FOCAD: variants seen among roughly 807,000 people sequenced by gnomAD.
The protein encoded by FOCAD is focadhesin.
Under a neutral mutation model 225.6 loss-of-function variants are expected in FOCAD, and 198 were observed. That is an observed-to-expected ratio of 0.88 (90% CI 0.78 to 0.99). The LOEUF is 0.99. Among genes scored for constraint, FOCAD ranks in the 50% least tolerant of loss-of-function variants. The pLI, the probability that FOCAD is intolerant of heterozygous loss-of-function variation, is 0.00. For synonymous variants in FOCAD, 897 were observed against 755.0 expected, an observed-to-expected ratio of 1.19 and a Z score of -3.08; for missense variants, 2,713 against 2,123.6, an observed-to-expected ratio of 1.28 and a Z score of -5.46.
At chr9:20,910,523 A>G (rs1833352649) in intron 22 of FOCAD, among the ~76,000 whole-genome samples, 1 of 152,010 alleles carries the variant, frequency 6.6e-6, no homozygotes, top group South Asian at 2.1e-4. Flanking sequence ...ATGTGTAGGA[A>G]GCTAGGTGAA....
At chr9:20,926,169 C>A in intron 25 of FOCAD, 132 bp from the exon 26 acceptor site, 1 of 607,188 alleles carries the variant, frequency 1.6e-6, no homozygotes, top group Admixed American at 2.8e-5. Context: ...GCTTATAGTC[C>A]AAGCAGATGA....
chr9:20,927,729 A>G (rs1308575862), intron 26 of FOCAD: 2 of 152,162 alleles, frequency 1.3e-5, no homozygotes, highest in Non-Finnish European at 2.9e-5. Context: ...TATAATGGTC[A>G]TGGGACAATC....
intron 2 of FOCAD, among the ~76,000 whole-genome samples, chr9:20,669,594 G>T (rs746571001): frequency 6.6e-6 from 1 of 151,484 alleles, no homozygotes; most frequent in Non-Finnish European, 1.5e-5. Flanking sequence ...GGCCAACATG[G>T]GGAAACCTGT....
intron 18 of FOCAD, among the ~76,000 whole-genome samples, chr9:20,871,197 C>G (rs1437143717): frequency 6.6e-6 from 1 of 151,282 alleles, no homozygotes; most frequent in Non-Finnish European, 1.5e-5. Flanking sequence ...GAGCAAGACT[C>G]TGTCTCAAAA....
chr9:20,971,760 C>A (rs182814121), intron 35 of FOCAD, among the ~76,000 whole-genome samples: 2 of 152,160 alleles, frequency 1.3e-5, no homozygotes, highest in East Asian at 3.9e-4. Flanking sequence ...CCCTTTCCCC[C>A]ACCCCTCTCC....
At chr9:20,989,037 A>G (rs1271729948) in intron 41 of FOCAD, among the ~76,000 whole-genome samples, 1 of 152,260 alleles carries the variant, frequency 6.6e-6, no homozygotes, top group African/African-American at 2.4e-5. Context: ...ATAAAAGATT[A>G]ATAAGACGAA....
At chr9:20,665,436 C>G (rs1821872107) in intron 2 of FOCAD, among the ~76,000 whole-genome samples, 1 of 152,104 alleles carries the variant, frequency 6.6e-6, no homozygotes, top group Non-Finnish European at 1.5e-5. Context: ...ATCTCTTTAT[C>G]TCATTCTATA....
intron 8 of FOCAD, among the ~76,000 whole-genome samples, chr9:20,774,379 A>C (rs939461349): frequency 3.3e-5 from 5 of 152,282 alleles, no homozygotes; most frequent in African/African-American, 1.2e-4. Context: ...GTTGGTACGC[A>C]ATGCCTAGTT....
At chr9:20,671,558 C>T (rs1822064336) in intron 2 of FOCAD, among the ~76,000 whole-genome samples, 1 of 151,968 alleles carries the variant, frequency 6.6e-6, no homozygotes, top group Non-Finnish European at 1.5e-5. Context: ...TATTGGCCGT[C>T]CTTGCAAGGG....
intron 15 of FOCAD, among the ~76,000 whole-genome samples, chr9:20,846,753 G>A (rs1827154728): frequency 6.6e-6 from 1 of 152,126 alleles, no homozygotes; most frequent in Non-Finnish European, 1.5e-5. Flanking sequence ...GTGGTCCAAT[G>A]TCCAGTTCAT....
At chr9:20,689,743 T>C (rs1260013998) in intron 1 of FOCAD, among the ~76,000 whole-genome samples, 1 of 152,218 alleles carries the variant, frequency 6.6e-6, no homozygotes, top group Non-Finnish European at 1.5e-5. Flanking sequence ...AGCGCTTCTC[T>C]GAAGCATATG....
Position 20,778,672 on chromosome 9 carries a change from T to G in FOCAD, c.907-9T>G. 1 of 1,562,242 alleles carries G rather than the reference T, an allele frequency of 6.4e-7. No individual in the cohort carries two copies. The highest frequency in any genetic ancestry group is 8.8e-7 in the Non-Finnish European group (1 of 1,134,020). ...TTAACAACTCCTTTTTCCCCCTCTA[T>G]TCTTTTAGGATTTTCCTGTTGAACT... On this transcript the variant is annotated splice_polypyrimidine_tract_variant and intron_variant, in intron 8 of 43. Transcript: ENST00000338382.
At chr9:20,864,623 C>T (rs1474988635) in intron 16 of FOCAD, among the ~76,000 whole-genome samples, 1 of 152,024 alleles carries the variant, frequency 6.6e-6, no homozygotes, top group Admixed American at 6.6e-5. Flanking sequence ...TTTTATACTA[C>T]AGGTATATGT....
intron 21 of FOCAD, among the ~76,000 whole-genome samples, chr9:20,903,448 C>T (rs1288034421): frequency 6.6e-6 from 1 of 151,852 alleles, no homozygotes; most frequent in African/African-American, 2.4e-5. Flanking sequence ...AGTCTATTGT[C>T]AACAGAGCAG....
At position 20,944,652 on chromosome 9, in the gene FOCAD, C is replaced by T. The variant is rs146592449; in HGVS notation, c.3433C>T (p.Leu1145Phe). The T allele has an allele frequency of 1.2e-6, 2 of 1,613,918 alleles. No individual in the cohort carries two copies. The highest frequency in any genetic ancestry group is 1.7e-6 in the Non-Finnish European group (2 of 1,179,834). The change falls in exon 29 of 44, where the codon CTT (leucine) becomes TTT (phenylalanine). Residue 1145 changes from leucine (L) to phenylalanine (F), a missense_variant. Transcript: ENST00000338382. ...YNTGCILGVG[L>F]VLSLMSHSSQ... Reference sequence around the variant, plus strand: ...CACGGGCTGTATATTGGGAGTTGGACTTGTTCTGTCCCTCATGAGCCACAG... The same window carrying T: ...CACGGGCTGTATATTGGGAGTTGGATTTGTTCTGTCCCTCATGAGCCACAG...
Position 20,915,269 on chromosome 9 carries a change from G to A in FOCAD, c.2808-1624G>A, listed in dbSNP as rs571778411. 7.2e-5 allele frequency among the ~76,000 whole-genome samples: 11 copies of A among 152,278 alleles called. No individual in the cohort carries two copies. In the South Asian group the frequency reaches 2.3e-3, roughly 32 times the overall value. On this transcript the variant is annotated intron_variant, in intron 23 of 43. Transcript: ENST00000338382. ...GATGCTGGATGAGGTCACTTAGGGA[G>A]TGAATAAAGAAAGAGAAGATTTCAA...
chr9:20,788,574 A>C (rs1436702649), intron 10 of FOCAD, among the ~76,000 whole-genome samples: 2 of 152,190 alleles, frequency 1.3e-5, no homozygotes, highest in Non-Finnish European at 2.9e-5. Flanking sequence ...TTAACCAGAC[A>C]GTTATAATCC....
At chr9:20,835,744 A>C (rs1402102649) in intron 15 of FOCAD, among the ~76,000 whole-genome samples, 1 of 152,134 alleles carries the variant, frequency 6.6e-6, no homozygotes, top group Non-Finnish European at 1.5e-5. Context: ...AATGTGAGGC[A>C]GTGCCACTCC....
chr9:20,923,694 G>T lies in FOCAD; in HGVS notation c.2887G>T (p.Ala963Ser). ...GGTAGTGAAAGGCAATGCGCTGTTA[G>T]CTCTAAGCAGCCTTGCTGTCGTCGT... Reference protein sequence around the residue: ...SPVVKGNALLALSSLAVVVSR... With the variant: ...SPVVKGNALLSLSSLAVVVSR... Residue 963 changes from alanine (A) to serine (S), a missense_variant, in exon 25 of 44, where the codon GCT (alanine) becomes TCT (serine). Physicochemically the swap from Ala to Ser is moderately conservative, Grantham distance 99. Coordinates refer to ENST00000338382, the MANE Select transcript of FOCAD (RefSeq NM_001375567.1). 6.2e-7 allele frequency: 1 copy of T among 1,614,046 alleles called. No homozygotes were observed. Among genetic ancestry groups the T allele is most frequent in the Non-Finnish European group, 8.5e-7 (1 of 1,179,952 alleles).
Sources: allele counts gnomAD v4.1 joint callset (sites outside exome capture counted in the v4.1 genomes callset), GRCh38; gene constraint gnomAD v4.1.1; transcripts MANE v1.5; gene names NCBI Gene and HGNC (gene_info 2026-07-23, HGNC 2026-07-21).